The following MYRIP variants were observed in gnomAD, a reference collection of about 807,000 sequenced individuals.
The protein encoded by MYRIP is rab effector MyRIP.
Under a neutral mutation model 98.0 loss-of-function variants are expected in MYRIP, and 49 were observed. The ratio of observed to expected loss-of-function variants is 0.50; its 90% confidence interval spans 0.40 to 0.63. MYRIP has a LOEUF of 0.63. Ranked by LOEUF, MYRIP falls within the 30% of genes least tolerant of loss-of-function variation. The pLI is 0.00. For missense variants in MYRIP, 1,004 were observed against 1,058.2 expected, an observed-to-expected ratio of 0.95 and a Z score of 0.71; for synonymous variants, 404 against 409.5, an observed-to-expected ratio of 0.99 and a Z score of 0.16.
chr3:40,103,770 A>G (rs567166796), intron 3 of MYRIP, among the ~76,000 whole-genome samples: 2 of 151,808 alleles, frequency 1.3e-5, no homozygotes, highest in East Asian at 1.9e-4. Flanking sequence ...AAAAAAAGAG[A>G]AAAAAAAACT....
chr3:40,115,716 G>C (rs1949258846), intron 3 of MYRIP, among the ~76,000 whole-genome samples: 1 of 151,624 alleles, frequency 6.6e-6, no homozygotes, highest in Admixed American at 6.6e-5. Flanking sequence ...AGAAACCTGA[G>C]ATTTACAAAG....
intron 10 of MYRIP, 61 bp downstream of exon 10, chr3:40,190,524 C>T: frequency 1.3e-6 from 2 of 1,515,720 alleles, no homozygotes; most frequent in Non-Finnish European, 8.8e-7. Flanking sequence ...TGCCCTACTC[C>T]AAGCACAAGT....
chr3:40,245,913 A>ATTTTTTTTTTTTTT (rs55637614), intron 13 of MYRIP, among the ~76,000 whole-genome samples: 1 of 115,618 alleles, frequency 8.6e-6, no homozygotes, highest in Non-Finnish European at 1.7e-5. Context: ...CACCCAGCTA[A>ATTTTTTTTTTTTTT]TTTTTTTTTT....
intron 3 of MYRIP, among the ~76,000 whole-genome samples, chr3:40,127,516 T>C (rs1949547960): frequency 6.6e-6 from 1 of 152,222 alleles, no homozygotes; most frequent in African/African-American, 2.4e-5. Flanking sequence ...GATTCCTACA[T>C]GAAATGAAGG....
At chr3:39,882,060 T>C (rs1943169282) in intron 1 of MYRIP, among the ~76,000 whole-genome samples, 1 of 152,192 alleles carries the variant, frequency 6.6e-6, no homozygotes. Flanking sequence ...CTTAGCATTT[T>C]ATAATATTTA....
chr3:39,942,890 T>C (rs1163973579), intron 2 of MYRIP, among the ~76,000 whole-genome samples: 2 of 152,120 alleles, frequency 1.3e-5, no homozygotes, highest in Non-Finnish European at 2.9e-5. Context: ...CTCCCACATA[T>C]GATATGAGTG....
rs200724387 is a variant in MYRIP at position 40,190,304 on chromosome 3, G to T, written c.1506G>T (p.Leu502Phe). ...GELDVNFNPQ[L>F]ASRETSDSSE... is the part of the protein sequence containing the mutation. ...TGGACGTGAACTTCAACCCCCAGTT[G>T]GCCAGCAGGGAGACCTCGGACAGCA... The change falls in exon 10 of 17, where the codon TTG (leucine) becomes TTT (phenylalanine). Residue 502 changes from leucine (L) to phenylalanine (F), a missense_variant. Physicochemically the swap from Leu to Phe is conservative, Grantham distance 22. Around this residue, in one of 3 missense-constraint regions of MYRIP, gnomAD observed 880 missense variants for 907.7 expected, o/e 0.97. Transcript: ENST00000302541. 3.6e-5 allele frequency: 58 copies of T among 1,614,062 alleles called. No individual in the cohort carries two copies. Among genetic ancestry groups the T allele is most frequent in the Middle Eastern group, 3.3e-4 (2 of 6,062 alleles).
intron 3 of MYRIP, among the ~76,000 whole-genome samples, chr3:40,139,736 C>T (rs183612190): frequency 2.0e-5 from 3 of 152,202 alleles, no homozygotes; most frequent in African/African-American, 7.2e-5. Flanking sequence ...CATGCTACCA[C>T]ACCCAGTTAA....
intron 2 of MYRIP, among the ~76,000 whole-genome samples, chr3:40,033,724 T>G (rs1245078255): frequency 3.3e-5 from 5 of 152,150 alleles, no homozygotes; most frequent in African/African-American, 1.2e-4. Context: ...AAAACTACTT[T>G]AAAGTTCATA....
At chr3:40,031,713 T>G (rs942878186) in intron 2 of MYRIP, among the ~76,000 whole-genome samples, 5 of 152,176 alleles carry the variant, frequency 3.3e-5, no homozygotes, top group Admixed American at 6.5e-5. Context: ...TGGTTTAGTC[T>G]TGGGAGGGTG....
intron 3 of MYRIP, among the ~76,000 whole-genome samples, chr3:40,102,975 A>G (rs935801498): frequency 6.6e-5 from 10 of 151,668 alleles, no homozygotes; most frequent in African/African-American, 1.2e-4. Context: ...TTTGTTTTCA[A>G]TGATGGTCTT....
intron 4 of MYRIP, among the ~76,000 whole-genome samples, chr3:40,157,886 C>A (rs368973800): frequency 2.0e-5 from 3 of 152,090 alleles, no homozygotes; most frequent in Non-Finnish European, 1.5e-5. Flanking sequence ...TCTTCTCTCT[C>A]TTTTTCTTTA....
chr3:39,814,009 T>C (rs892917479), intron 1 of MYRIP, among the ~76,000 whole-genome samples: 1 of 152,208 alleles, frequency 6.6e-6, no homozygotes, highest in African/African-American at 2.4e-5. Context: ...TATGCCACAG[T>C]TTATATATTG....
chr3:40,254,273 A>G (rs1322025977), intron 16 of MYRIP, among the ~76,000 whole-genome samples: 2 of 152,172 alleles, frequency 1.3e-5, no homozygotes. Context: ...AGGGCAGGCT[A>G]TTGAGAAGTA....
At chr3:40,056,738 G>C (rs2887952) in intron 3 of MYRIP, among the ~76,000 whole-genome samples, 44,299 of 151,948 alleles carry the variant, frequency 0.29, 6,532 homozygotes, top group East Asian at 0.36. Context: ...TTTCACTAAG[G>C]AGCTTTAGTT....
Position 39,911,576 on chromosome 3 carries a change from G to C in MYRIP, c.110+10650G>C, listed in dbSNP as rs149516334. 5.3e-5 allele frequency among the ~76,000 whole-genome samples: 8 copies of C among 152,268 alleles called. No individual in the cohort carries two copies. The East Asian group carries it at 1.5e-3, about 29-fold the overall frequency. ...TCTGGCTGTGGAAAGCATTTCTTTGGCATTACATGTGCATAGAATTCAGGA... is the reference window on the plus strand; with the variant it reads ...TCTGGCTGTGGAAAGCATTTCTTTGCCATTACATGTGCATAGAATTCAGGA... On this transcript the variant is annotated intron_variant, in intron 2 of 16. Coordinates refer to ENST00000302541, the MANE Select transcript of MYRIP (RefSeq NM_015460.4).
chr3:39,932,405 G>T (rs1285996075), intron 2 of MYRIP, among the ~76,000 whole-genome samples: 2 of 151,888 alleles, frequency 1.3e-5, no homozygotes, highest in Non-Finnish European at 2.9e-5. Flanking sequence ...CTGTTGCCCA[G>T]GCTGGAGTGC....
chr3:39,885,145 G>C (rs561837374), intron 1 of MYRIP, among the ~76,000 whole-genome samples: 1 of 151,868 alleles, frequency 6.6e-6, no homozygotes, highest in South Asian at 2.1e-4. Flanking sequence ...ATATTTGATA[G>C]ATTTATGAGC....
At chr3:39,999,337 AAAC>A (rs1230667506) in intron 2 of MYRIP, among the ~76,000 whole-genome samples, 1 of 152,220 alleles carries the variant, frequency 6.6e-6, no homozygotes, top group Non-Finnish European at 1.5e-5. Flanking sequence ...TACAAGAAAT[AAAC>A]AACCCCATCA....
Sources: gnomAD v4.1 joint callset for allele counts (sites outside exome capture counted in the v4.1 genomes callset) on GRCh38, gnomAD v4.1.1 for gene constraint, gnomAD v4.1.1 regional missense constraint, MANE v1.5 for transcripts, NCBI Gene and HGNC (gene_info 2026-07-23, HGNC 2026-07-21) for gene names.